SLC14A2: variants seen among roughly 807,000 people sequenced by gnomAD.
SLC14A2 encodes the protein urea transporter 2.
A neutral mutation model predicts 104.6 loss-of-function variants in SLC14A2; 91 were observed. That is an observed-to-expected ratio of 0.87 (90% CI 0.73 to 1.04). SLC14A2 has a LOEUF of 1.04. Ranked by LOEUF, SLC14A2 falls within the 50% of genes least tolerant of loss-of-function variation. The pLI is 0.00. For missense variants in SLC14A2, 1,189 were observed against 1,156.0 expected (o/e 1.03, Z -0.41); for synonymous variants, 476 against 466.4 (o/e 1.02, Z -0.27).
chr18:45,323,834 A>G (rs1029047256), intron 1 of SLC14A2, among the ~76,000 whole-genome samples: 10 of 152,142 alleles, frequency 6.6e-5, no homozygotes, highest in Admixed American at 6.5e-4. Flanking sequence ...CCAAAAATGC[A>G]TCCTGTTTTC....
rs2046056366 is a variant in SLC14A2, at chr18:45,667,908, T to C, written c.1793T>C (p.Leu598Pro). 1.9e-6 allele frequency: 3 copies of C among 1,613,950 alleles called. No homozygotes were observed. The highest frequency in any genetic ancestry group is 2.5e-6 in the Non-Finnish European group (3 of 1,179,978). Reference protein sequence around the residue: ...TSQVMFVNNPLSGILIILGLF... With the variant: ...TSQVMFVNNPPSGILIILGLF... ...CAAGTGATGTTTGTGAACAACCCCC[T>C]CAGCGGCATCCTCATCATCCTCGGC... Residue 598 changes from leucine to proline, a missense_variant, in exon 14 of 20, where the codon CTC becomes CCC. Physicochemically the swap from Leu to Pro is moderately conservative, Grantham distance 98 (BLOSUM62 -3). Transcript: ENST00000255226.
chr18:45,498,131 A>G (rs1480760914), intron 2 of SLC14A2, among the ~76,000 whole-genome samples: 1 of 152,272 alleles, frequency 6.6e-6, no homozygotes, highest in Non-Finnish European at 1.5e-5. Flanking sequence ...CTTTAAAAAT[A>G]GAAAGTGACA....
intron 2 of SLC14A2, among the ~76,000 whole-genome samples, chr18:45,515,178 T>C (rs1035321541): frequency 6.6e-6 from 1 of 152,226 alleles, no homozygotes; most frequent in Non-Finnish European, 1.5e-5. Context: ...TTTGTTCAAA[T>C]GAATGATTAA....
At chr18:45,400,419 A>G (rs543381428) in intron 1 of SLC14A2, among the ~76,000 whole-genome samples, 1 of 152,348 alleles carries the variant, frequency 6.6e-6, no homozygotes, top group Admixed American at 6.5e-5. Flanking sequence ...TTCCAGAAGT[A>G]ATGCTGTGTT....
At chr18:45,319,344 C>G (rs2085162478) in intron 1 of SLC14A2, among the ~76,000 whole-genome samples, 1 of 152,274 alleles carries the variant, frequency 6.6e-6, no homozygotes, top group Admixed American at 6.5e-5. Flanking sequence ...TGGTTATATT[C>G]CCAGCATCTC....
At chr18:45,325,885 G>T (rs2085229575) in intron 1 of SLC14A2, among the ~76,000 whole-genome samples, 1 of 152,172 alleles carries the variant, frequency 6.6e-6, no homozygotes. Context: ...TACACATACA[G>T]GGTCTGGATC....
At chr18:45,337,278 G>A (rs1248906815) in intron 1 of SLC14A2, among the ~76,000 whole-genome samples, 2 of 152,142 alleles carry the variant, frequency 1.3e-5, no homozygotes, top group Non-Finnish European at 2.9e-5. Context: ...ACTGACCCAT[G>A]CCGATTATTT....
intron 1 of SLC14A2, among the ~76,000 whole-genome samples, chr18:45,407,647 G>A (rs75997591): frequency 0.034 from 5,222 of 152,160 alleles, 300 homozygotes; most frequent in African/African-American, 0.12. Flanking sequence ...TTTATTTAAA[G>A]TGAGAGGCAT....
At chr18:45,651,409 T>C (rs1186159245) in intron 10 of SLC14A2, among the ~76,000 whole-genome samples, 1 of 152,186 alleles carries the variant, frequency 6.6e-6, no homozygotes, top group African/African-American at 2.4e-5. Context: ...GCCGTGTGTG[T>C]CTGCAGTATT....
rs71356487 is a variant in SLC14A2, at chr18:45,344,884, A to G, written c.-125+131693A>G. Among the ~76,000 whole-genome samples the G allele has an allele frequency of 3.3e-3, 510 of 152,324 alleles. No individual in the cohort carries two copies. The Middle Eastern group carries it at 0.041, about 12-fold the overall frequency. ...ATTGATTGTTGCCCAGATATTTGGA[A>G]TTAAACTGAGCCTCCTAATTATCCA... On this transcript the variant is annotated intron_variant, in intron 1 of 20. Coordinates refer to the SLC14A2 transcript ENST00000586448.
intron 2 of SLC14A2, among the ~76,000 whole-genome samples, chr18:45,497,867 C>T (rs1425215781): frequency 3.3e-5 from 5 of 152,166 alleles, no homozygotes; most frequent in Non-Finnish European, 2.9e-5. Flanking sequence ...GGAAGCTGTC[C>T]GTGCAATCTG....
At chr18:45,428,565 C>A (rs1005226425) in intron 1 of SLC14A2, among the ~76,000 whole-genome samples, 1 of 152,140 alleles carries the variant, frequency 6.6e-6, no homozygotes, top group African/African-American at 2.4e-5. Context: ...CCCCTATAGG[C>A]TGGAGGTCAT....
At chr18:45,189,262 T>C in the SLC14A2 span, among the ~76,000 whole-genome samples, 2 of 152,224 alleles carry the variant, frequency 1.3e-5, no homozygotes, top group Non-Finnish European at 2.9e-5. Context: ...TAATTATGAC[T>C]TCTGCAACCC....
the SLC14A2 span, among the ~76,000 whole-genome samples, chr18:45,191,233 A>G: frequency 6.6e-6 from 1 of 152,102 alleles, no homozygotes; most frequent in South Asian, 2.1e-4. Flanking sequence ...GTTCATCCCA[A>G]TTCCCCTCTG....
chr18:45,176,084 A>G, the SLC14A2 span, among the ~76,000 whole-genome samples: 1 of 152,152 alleles, frequency 6.6e-6, no homozygotes, highest in Non-Finnish European at 1.5e-5. Flanking sequence ...AGGAGGCTCT[A>G]CTGAGGTCTA....
intron 1 of SLC14A2, among the ~76,000 whole-genome samples, chr18:45,378,299 A>G (rs2085797020): frequency 6.6e-6 from 1 of 152,208 alleles, no homozygotes; most frequent in Non-Finnish European, 1.5e-5. Context: ...AAGATGTCTG[A>G]AGACAGCTCC....
At chr18:45,237,531 T>C (rs1428179283) in intron 1 of SLC14A2, among the ~76,000 whole-genome samples, 1 of 152,220 alleles carries the variant, frequency 6.6e-6, no homozygotes, top group Admixed American at 6.5e-5. Context: ...CCCATTCTCA[T>C]GCCTCTGAGT....
At position 45,361,892 on chromosome 18, in the gene SLC14A2, C is replaced by A. The variant is rs527342930; in HGVS notation, c.-124-121341C>A. 5.9e-5 allele frequency among the ~76,000 whole-genome samples: 9 copies of A among 152,272 alleles called. 1 individual carries two copies. Among genetic ancestry groups the A allele is most frequent in the Middle Eastern group, 3.4e-3 (1 of 294 alleles). On this transcript the variant is annotated intron_variant, in intron 1 of 20. Coordinates refer to the SLC14A2 transcript ENST00000586448. Reference sequence around the variant, plus strand: ...AAAAAATGACACGGCTCAGGCCCATCTTTTCCCCGGGAGCACCACTTGACC... The same window carrying A: ...AAAAAATGACACGGCTCAGGCCCATATTTTCCCCGGGAGCACCACTTGACC...
intron 6 of SLC14A2, 37 bp downstream of exon 6, chr18:45,637,219 A>G: frequency 6.4e-7 from 1 of 1,557,048 alleles, no homozygotes; most frequent in Admixed American, 1.7e-5. Context: ...AGACCCCCAT[A>G]TTCCACTGCA....
Sources: allele counts gnomAD v4.1 joint callset (sites outside exome capture counted in the v4.1 genomes callset), GRCh38; gene constraint gnomAD v4.1.1; transcripts MANE v1.5; gene names NCBI Gene and HGNC (gene_info 2026-07-23, HGNC 2026-07-21).